The following HDAC9 variants were observed in gnomAD, a reference collection of about 807,000 sequenced individuals.
HDAC9 encodes the protein histone deacetylase 9.
Under a neutral mutation model 139.4 loss-of-function variants are expected in HDAC9, and 41 were observed. That is an observed-to-expected ratio of 0.29 (90% CI 0.23 to 0.38). HDAC9 has a LOEUF of 0.38. Among genes scored for constraint, HDAC9 ranks in the 10% least tolerant of loss-of-function variants. HDAC9 has a pLI of 1.00. For missense variants in HDAC9, 1,147 were observed against 1,297.0 expected (o/e 0.88, Z 1.78); for synonymous variants, 517 against 476.2 (o/e 1.09, Z -1.12).
chr7:18,329,275 A>G (rs1406015341), intron 1 of HDAC9, among the ~76,000 whole-genome samples: 1 of 151,640 alleles, frequency 6.6e-6, no homozygotes, highest in Non-Finnish European at 1.5e-5. Flanking sequence ...TAATGTATGT[A>G]TTTTATATTT....
At chr7:18,190,764 A>G (rs1790293085) in intron 2 of HDAC9, among the ~76,000 whole-genome samples, 1 of 152,170 alleles carries the variant, frequency 6.6e-6, no homozygotes. Context: ...AGCTTTTAAA[A>G]TCACTTGTAT....
intron 1 of HDAC9, among the ~76,000 whole-genome samples, chr7:18,445,451 A>G (rs1016142522): frequency 8.5e-5 from 13 of 152,202 alleles, no homozygotes; most frequent in African/African-American, 2.4e-4. Flanking sequence ...TAATATCCCT[A>G]ACTATATTGT....
chr7:18,284,833 G>A (rs1797333544), intron 2 of HDAC9, among the ~76,000 whole-genome samples: 1 of 152,028 alleles, frequency 6.6e-6, no homozygotes, highest in Admixed American at 6.5e-5. Context: ...TGTTGTCCCA[G>A]GTAAAATTTT....
chr7:18,455,149 A>G (rs886355633), intron 1 of HDAC9, among the ~76,000 whole-genome samples: 1 of 152,162 alleles, frequency 6.6e-6, no homozygotes, highest in Non-Finnish European at 1.5e-5. Flanking sequence ...AAGTGTAGTA[A>G]AAAAGCCAGA....
intron 1 of HDAC9, among the ~76,000 whole-genome samples, chr7:18,294,073 T>C (rs2960783): frequency 0.13 from 19,990 of 152,196 alleles, 1,769 homozygotes; most frequent in East Asian, 0.26. Context: ...TCACAATTGC[T>C]TAGCATCTCC....
At chr7:18,347,042 T>A (rs993243950) in intron 1 of HDAC9, among the ~76,000 whole-genome samples, 2 of 152,214 alleles carry the variant, frequency 1.3e-5, no homozygotes, top group African/African-American at 4.8e-5. Context: ...ATGGGGGTTT[T>A]AAAAGTTGTT....
At chr7:18,286,343 A>G (rs1312877720), upstream of HDAC9, among the ~76,000 whole-genome samples, 1 of 150,722 alleles carries the variant, frequency 6.6e-6, no homozygotes, top group African/African-American at 2.4e-5. Context: ...CTAGTGGTAC[A>G]TTTTTCTAAA....
At chr7:18,796,620 A>G (rs1007997551) in intron 17 of HDAC9, among the ~76,000 whole-genome samples, 1 of 152,218 alleles carries the variant, frequency 6.6e-6, no homozygotes, top group Non-Finnish European at 1.5e-5. Flanking sequence ...CAGGTATTCA[A>G]ATTGGCTATT....
chr7:18,636,278 G>A (rs1783862862), intron 8 of HDAC9, among the ~76,000 whole-genome samples: 1 of 152,190 alleles, frequency 6.6e-6, no homozygotes, highest in African/African-American at 2.4e-5. Flanking sequence ...TCTTACTGCT[G>A]TGTCCCCTGC....
intron 2 of HDAC9, chr7:18,260,549 G>T (rs1286447577): frequency 6.5e-6 from 1 of 154,196 alleles, no homozygotes; most frequent in Middle Eastern, 5.5e-4. Context: ...TCGATCTCCT[G>T]ACCTCATGAT....
chr7:18,103,968 C>T (rs777603707), intron 1 of HDAC9, among the ~76,000 whole-genome samples: 6 of 152,152 alleles, frequency 3.9e-5, no homozygotes, highest in African/African-American at 7.2e-5. Flanking sequence ...GAACCAGCCC[C>T]GGACAGGATG....
At chr7:18,602,520 T>C (rs1050562038) in intron 6 of HDAC9, among the ~76,000 whole-genome samples, 5 of 151,542 alleles carry the variant, frequency 3.3e-5, no homozygotes, top group African/African-American at 1.2e-4. Flanking sequence ...TTTTCCTCTA[T>C]TTTTTTTAAA....
chr7:18,800,153 T>G (rs1793163478), intron 17 of HDAC9, among the ~76,000 whole-genome samples: 1 of 152,242 alleles, frequency 6.6e-6, no homozygotes, highest in Admixed American at 6.5e-5. Flanking sequence ...AAGTATTCTA[T>G]GTCCAACAAA....
intron 22 of HDAC9, among the ~76,000 whole-genome samples, chr7:18,923,797 C>A (rs1397026635): frequency 1.3e-5 from 2 of 152,062 alleles, no homozygotes; most frequent in East Asian, 3.9e-4. Flanking sequence ...ACACCTCCAA[C>A]TTGGAAAGGT....
chr7:18,198,898 C>T (rs1790909378), intron 2 of HDAC9, among the ~76,000 whole-genome samples: 2 of 151,990 alleles, frequency 1.3e-5, no homozygotes, highest in Admixed American at 6.6e-5. Context: ...ACTTATTTTG[C>T]CCCCAGGATC....
chr7:18,393,675 T>G (rs543301607), intron 1 of HDAC9, among the ~76,000 whole-genome samples: 15 of 151,976 alleles, frequency 9.9e-5, no homozygotes, highest in Admixed American at 8.5e-4. Flanking sequence ...AACCTCCCAT[T>G]TCCCATTCCT....
At chr7:18,308,884 A>G (rs1285060884) in intron 1 of HDAC9, among the ~76,000 whole-genome samples, 1 of 152,180 alleles carries the variant, frequency 6.6e-6, no homozygotes, top group Non-Finnish European at 1.5e-5. Context: ...CCTTCTTCAG[A>G]TCCACTTTAT....
intron 2 of HDAC9, among the ~76,000 whole-genome samples, chr7:18,270,748 A>C (rs1160558772): frequency 1.3e-5 from 2 of 152,096 alleles, no homozygotes; most frequent in Non-Finnish European, 2.9e-5. Context: ...GCACCTTCTG[A>C]CTAATTATTG....
intron 14 of HDAC9, among the ~76,000 whole-genome samples, chr7:18,760,692 T>A (rs999116072): frequency 1.3e-5 from 2 of 152,198 alleles, no homozygotes; most frequent in African/African-American, 4.8e-5. Context: ...GTTAATGAGA[T>A]TTTGCTTTAA....
Sources: gnomAD v4.1 joint callset for allele counts (sites outside exome capture counted in the v4.1 genomes callset) on GRCh38, gnomAD v4.1.1 for gene constraint, MANE v1.5 for transcripts, NCBI Gene and HGNC (gene_info 2026-07-23, HGNC 2026-07-21) for gene names.